Variants in RBFOX1 observed in about 807,000 individuals in gnomAD.
The protein encoded by RBFOX1 is RNA binding fox-1 homolog 1.
Under a neutral mutation model 57.7 loss-of-function variants are expected in RBFOX1, and 8 were observed. That is an observed-to-expected ratio of 0.14 (90% confidence interval 0.08 to 0.25). The LOEUF is 0.25. Ranked by LOEUF, RBFOX1 falls within the 10% of genes least tolerant of loss-of-function variation. The probability of loss-of-function intolerance (pLI) is 1.00; values close to 1 mark genes in which losing one functional copy is unlikely to be tolerated. For synonymous variants in RBFOX1, 326 were observed against 222.4 expected (o/e 1.47, Z -4.15); for missense variants, 611 against 548.5 (o/e 1.11, Z -1.14).
chr16:7,012,324 A>G (rs1006291078), intron 3 of RBFOX1, among the ~76,000 whole-genome samples: 4 of 152,168 alleles, frequency 2.6e-5, no homozygotes, highest in Non-Finnish European at 5.9e-5. Context: ...TCTCATAACT[A>G]CTAGTGACAG....
chr16:6,791,375 C>T (rs1365362704), intron 3 of RBFOX1, among the ~76,000 whole-genome samples: 8 of 152,142 alleles, frequency 5.3e-5, no homozygotes. Context: ...TCTTTCCAGG[C>T]AGGACTGGCT....
intron 11 of RBFOX1, among the ~76,000 whole-genome samples, chr16:7,638,060 AAAAC>A: frequency 6.6e-6 from 1 of 152,220 alleles, no homozygotes; most frequent in East Asian, 1.9e-4. Context: ...AGATTGCATT[AAAAC>A]ATGATCTATC....
intron 3 of RBFOX1, among the ~76,000 whole-genome samples, chr16:6,853,234 A>T (rs991688261): frequency 1.3e-5 from 2 of 152,182 alleles, no homozygotes; most frequent in African/African-American, 4.8e-5. Flanking sequence ...TAATGATAGT[A>T]TGTATAAGGT....
At chr16:6,052,509 G>A (rs1043907774) in intron 1 of RBFOX1, among the ~76,000 whole-genome samples, 4 of 152,138 alleles carry the variant, frequency 2.6e-5, no homozygotes, top group Admixed American at 6.5e-5. Context: ...CCTAGGCCGG[G>A]CGCGGTGGCT....
At chr16:7,404,128 C>A (rs1016958578) in intron 4 of RBFOX1, among the ~76,000 whole-genome samples, 3 of 151,264 alleles carry the variant, frequency 2.0e-5, no homozygotes, top group African/African-American at 7.3e-5. Flanking sequence ...TCTCGGCTCA[C>A]TGCTACCTCC....
rs768374994 is a variant in RBFOX1 at position 7,374,270 on chromosome 16, C to T, written c.28-143877C>T. Reference sequence around the variant, plus strand: ...CATTTCTTATCTTTTTCTGAGGCTCCGTGTTTTCGCTGTGTAAGGGGAATA... The same window carrying T: ...CATTTCTTATCTTTTTCTGAGGCTCTGTGTTTTCGCTGTGTAAGGGGAATA... On this transcript the variant is annotated intron_variant, in intron 4 of 15. Coordinates refer to ENST00000550418, the MANE Select transcript of RBFOX1 (RefSeq NM_018723.4). Among the ~76,000 whole-genome samples the T allele has an allele frequency of 8.5e-5, 13 of 152,120 alleles. 1 individual carries two copies. The highest frequency in any genetic ancestry group is 3.9e-4 in the East Asian group (2 of 5,188).
intron 4 of RBFOX1, among the ~76,000 whole-genome samples, chr16:7,064,814 T>C (rs2055542588): frequency 6.6e-6 from 1 of 152,232 alleles, no homozygotes; most frequent in Non-Finnish European, 1.5e-5. Flanking sequence ...CTGATGTGTA[T>C]TGGTACCTCT....
chr16:6,792,074 C>G (rs1001425588), intron 3 of RBFOX1, among the ~76,000 whole-genome samples: 1 of 152,068 alleles, frequency 6.6e-6, no homozygotes, highest in East Asian at 1.9e-4. Context: ...ACATATATTA[C>G]TGATAATACC....
intron 3 of RBFOX1, among the ~76,000 whole-genome samples, chr16:6,806,590 G>A (rs1603627206): frequency 1.3e-5 from 2 of 151,726 alleles, no homozygotes; most frequent in East Asian, 1.9e-4. Flanking sequence ...CTAGTTCCCA[G>A]CAAATTTGAT....
intron 4 of RBFOX1, among the ~76,000 whole-genome samples, chr16:7,190,684 C>T (rs1390564690): frequency 6.6e-6 from 1 of 151,750 alleles, no homozygotes; most frequent in Non-Finnish European, 1.5e-5. Flanking sequence ...CCCCAGAAAT[C>T]AGTGCCATTC....
chr16:7,427,368 C>G (rs965393275), intron 4 of RBFOX1, among the ~76,000 whole-genome samples: 1 of 152,160 alleles, frequency 6.6e-6, no homozygotes, highest in African/African-American at 2.4e-5. Flanking sequence ...GATGCTGATG[C>G]TGCTGGTCTG....
intron 2 of RBFOX1, among the ~76,000 whole-genome samples, chr16:6,341,350 T>C (rs74642328): frequency 0.012 from 1,828 of 152,242 alleles, 36 homozygotes; most frequent in African/African-American, 0.042. Context: ...GACTCTTCTT[T>C]TACCTCGTTC....
chr16:7,388,965 A>G (rs1400245265), intron 4 of RBFOX1, among the ~76,000 whole-genome samples: 1 of 152,054 alleles, frequency 6.6e-6, no homozygotes, highest in Non-Finnish European at 1.5e-5. Context: ...AGCTTAATAG[A>G]GTGCCTAATA....
intron 3 of RBFOX1, among the ~76,000 whole-genome samples, chr16:5,748,337 A>G (rs537050660): frequency 6.6e-6 from 1 of 152,324 alleles, no homozygotes; most frequent in Non-Finnish European, 1.5e-5. Flanking sequence ...GATGCTGAGA[A>G]GAATGTATAT....
At chr16:6,562,880 C>CTTTCTTTCTTTCTTTT (rs746999419) in intron 2 of RBFOX1, among the ~76,000 whole-genome samples, 23 of 51,762 alleles carry the variant, frequency 4.4e-4, no homozygotes, top group South Asian at 2.7e-3. Context: ...TTCTTTCTTT[C>CTTTCTTTCTTTCTTTT]TTTTTTTTTT....
At chr16:5,519,848 C>G (rs1476120212) in intron 2 of RBFOX1, among the ~76,000 whole-genome samples, 2 of 152,140 alleles carry the variant, frequency 1.3e-5, no homozygotes, top group East Asian at 3.9e-4. Context: ...GCTCATCTTT[C>G]TCATTTATTC....
chr16:6,851,292 C>T (rs868516379), intron 3 of RBFOX1, among the ~76,000 whole-genome samples: 5 of 151,986 alleles, frequency 3.3e-5, no homozygotes, highest in Non-Finnish European at 5.9e-5. Flanking sequence ...TGTGGAGTGA[C>T]AGTAGGGTGT....
chr16:5,352,801 GGCATGGTGGCAT>G (rs1231585750), intron 1 of RBFOX1, among the ~76,000 whole-genome samples: 1 of 151,998 alleles, frequency 6.6e-6, no homozygotes. Flanking sequence ...AAATTAGCCA[GGCATGGTGGCAT>G]GCACCTGTAG....
intron 4 of RBFOX1, among the ~76,000 whole-genome samples, chr16:7,176,714 AAC>A (rs1329175297): frequency 6.6e-6 from 1 of 152,206 alleles, no homozygotes; most frequent in Non-Finnish European, 1.5e-5. Flanking sequence ...TGAAACAATG[AAC>A]ACAATAAGGT....
Sources: allele counts gnomAD v4.1 joint callset (sites outside exome capture counted in the v4.1 genomes callset), GRCh38; gene constraint gnomAD v4.1.1; transcripts MANE v1.5; gene names NCBI Gene and HGNC (gene_info 2026-07-23, HGNC 2026-07-21).